The following KIF16B variants were observed in gnomAD, a reference collection of about 807,000 sequenced individuals.
The protein encoded by KIF16B is kinesin-like protein KIF16B.
Under a neutral mutation model 156.3 loss-of-function variants are expected in KIF16B, and 98 were observed. That is an observed-to-expected ratio of 0.63 (90% CI 0.53 to 0.74). The LOEUF is 0.74. Ranked by LOEUF, KIF16B falls within the 30% of genes least tolerant of loss-of-function variation. KIF16B has a pLI of 0.00. For synonymous variants in KIF16B, 564 were observed against 583.7 expected (o/e 0.97, Z 0.49); for missense variants, 1,421 against 1,606.5 (o/e 0.88, Z 1.97).
At chr20:16,434,703 T>C (rs2066597579) in intron 12 of KIF16B, among the ~76,000 whole-genome samples, 1 of 152,030 alleles carries the variant, frequency 6.6e-6, no homozygotes, top group South Asian at 2.1e-4. Flanking sequence ...GATTATTTGG[T>C]TCTATAGGGA....
rs147338041 is a variant in KIF16B at position 16,404,219 on chromosome 20, C to T, written c.1784+594G>A. Among the ~76,000 whole-genome samples the T allele has an allele frequency of 1.1e-3, 169 of 152,212 alleles. 1 individual carries two copies. The highest frequency in any genetic ancestry group is 3.8e-3 in the African/African-American group (159 of 41,538). ...ATAAAATTATGGAACCTCTCACAAC[C>T]GAAAAGGGCCCTCAAAGTTCCCTGT... On this transcript the variant is annotated intron_variant, in intron 17 of 25. Coordinates refer to ENST00000354981, the MANE Select transcript of KIF16B (RefSeq NM_024704.5).
intron 1 of KIF16B, among the ~76,000 whole-genome samples, chr20:16,570,239 G>A (rs1600721096): frequency 6.6e-6 from 1 of 152,116 alleles, no homozygotes; most frequent in African/African-American, 2.4e-5. Flanking sequence ...ATCTTTGTAG[G>A]CAGCAATATA....
intron 3 of KIF16B, among the ~76,000 whole-genome samples, chr20:16,519,298 T>TA (rs1402868810): frequency 1.3e-5 from 2 of 152,254 alleles, no homozygotes; most frequent in East Asian, 3.9e-4. Flanking sequence ...CCTAATTTTT[T>TA]AAGAGACAGG....
chr20:16,288,793 T>C (rs1227223590), intron 25 of KIF16B, among the ~76,000 whole-genome samples: 5 of 143,078 alleles, frequency 3.5e-5, no homozygotes, highest in Admixed American at 6.8e-5. Context: ...GTATGTACCT[T>C]AGTAAACACA....
At position 16,521,856 on chromosome 20, in the gene KIF16B, G is replaced by A. The variant is rs375925288; in HGVS notation, c.231+4236C>T. Among the ~76,000 whole-genome samples the A allele has an allele frequency of 3.0e-4, 46 of 152,256 alleles. 1 individual carries two copies. In the South Asian group the frequency reaches 8.9e-3, roughly 30 times the overall value. On this transcript the variant is annotated intron_variant, in intron 3 of 25. Transcript: ENST00000354981. ...AACCCTACGTGCCAGAAGAGATTGG[G>A]GGCCAATATTAAACATTCTTAAAGA...
chr20:16,382,714 G>A (rs907958294), intron 17 of KIF16B, among the ~76,000 whole-genome samples: 1 of 151,910 alleles, frequency 6.6e-6, no homozygotes, highest in African/African-American at 2.4e-5. Context: ...TTTCAGGGTT[G>A]GGATCGGAGT....
intron 23 of KIF16B, among the ~76,000 whole-genome samples, chr20:16,351,499 G>A (rs1341894709): frequency 2.0e-5 from 3 of 152,228 alleles, no homozygotes; most frequent in South Asian, 2.1e-4. Flanking sequence ...GCTGTCATCC[G>A]GTTAATGGCA....
chr20:16,315,402 G>C (rs1479225571), intron 24 of KIF16B, among the ~76,000 whole-genome samples: 34 of 152,152 alleles, frequency 2.2e-4, no homozygotes, highest in Non-Finnish European at 2.9e-5. Flanking sequence ...GAAAGGCTCA[G>C]AGTCATGGGG....
intron 17 of KIF16B, among the ~76,000 whole-genome samples, chr20:16,391,923 T>C (rs996900075): frequency 5.3e-5 from 8 of 152,194 alleles, no homozygotes; most frequent in African/African-American, 1.9e-4. Context: ...CTATGGGTAG[T>C]GTTTTGAAGA....
intron 15 of KIF16B, among the ~76,000 whole-genome samples, chr20:16,412,931 T>C (rs889987478): frequency 5.3e-5 from 8 of 151,992 alleles, no homozygotes; most frequent in African/African-American, 1.7e-4. Context: ...ATAATGTAGT[T>C]TCTTGATGAA....
chr20:16,305,283 T>C (rs1437949695), intron 25 of KIF16B, among the ~76,000 whole-genome samples: 2 of 151,080 alleles, frequency 1.3e-5, no homozygotes, highest in East Asian at 1.9e-4. Context: ...GCCCAAAAAC[T>C]AAAAATAAAA....
intron 12 of KIF16B, among the ~76,000 whole-genome samples, chr20:16,452,526 T>C (rs1197549552): frequency 1.3e-5 from 2 of 151,858 alleles, no homozygotes; most frequent in Non-Finnish European, 2.9e-5. Context: ...GAAACAGGGA[T>C]GCAGAAGAAA....
At chr20:16,336,977 C>A (rs866430470) in intron 23 of KIF16B, among the ~76,000 whole-genome samples, 1 of 152,216 alleles carries the variant, frequency 6.6e-6, no homozygotes, top group African/African-American at 2.4e-5. Context: ...CTCTTTTCTG[C>A]ATGACTGAAA....
At chr20:16,387,517 A>G (rs935859075) in intron 17 of KIF16B, among the ~76,000 whole-genome samples, 4 of 152,220 alleles carry the variant, frequency 2.6e-5, no homozygotes, top group African/African-American at 4.8e-5. Context: ...CAAGGCTTAC[A>G]GGAAAAGAAA....
intron 1 of KIF16B, among the ~76,000 whole-genome samples, chr20:16,572,355 A>T (rs1350150688): frequency 6.6e-6 from 1 of 152,250 alleles, no homozygotes; most frequent in Non-Finnish European, 1.5e-5. Flanking sequence ...AAAAGGCCCT[A>T]TGGTAAGTCA....
At chr20:16,391,435 A>T (rs2065362351) in intron 17 of KIF16B, among the ~76,000 whole-genome samples, 1 of 152,220 alleles carries the variant, frequency 6.6e-6, no homozygotes, top group Non-Finnish European at 1.5e-5. Context: ...AAAGAAATCA[A>T]GTCTCTTCCC....
At chr20:16,549,419 T>G (rs1228578801) in intron 1 of KIF16B, among the ~76,000 whole-genome samples, 1 of 151,946 alleles carries the variant, frequency 6.6e-6, no homozygotes, top group African/African-American at 2.4e-5. Flanking sequence ...ATGTGCCACA[T>G]TTTCTTAATC....
chr20:16,366,640 C>G (rs1453453050), intron 22 of KIF16B, among the ~76,000 whole-genome samples: 1 of 152,208 alleles, frequency 6.6e-6, no homozygotes, highest in Non-Finnish European at 1.5e-5. Flanking sequence ...AGGACACTTT[C>G]AATCCCCGGG....
intron 25 of KIF16B, among the ~76,000 whole-genome samples, chr20:16,298,226 A>AGGTTT (rs2063419621): frequency 6.6e-6 from 1 of 152,248 alleles, no homozygotes; most frequent in Non-Finnish European, 1.5e-5. Context: ...AGATTAGGCC[A>AGGTTT]GATAGGTTTG....
Sources: gnomAD v4.1 joint callset for allele counts (sites outside exome capture counted in the v4.1 genomes callset) on GRCh38, gnomAD v4.1.1 for gene constraint, MANE v1.5 for transcripts, NCBI Gene and HGNC (gene_info 2026-07-23, HGNC 2026-07-21) for gene names.